Variants in GRM7 observed in about 807,000 individuals in gnomAD.
GRM7 encodes glutamate metabotropic receptor 7, also known as metabotropic glutamate receptor 7.
A neutral mutation model predicts 84.5 loss-of-function variants in GRM7; 35 were observed. That is an observed-to-expected ratio of 0.41 (90% CI 0.32 to 0.55). GRM7 has a LOEUF of 0.55. GRM7 is among the 20% of genes least tolerant of loss of function. The pLI, the probability that GRM7 is intolerant of heterozygous loss-of-function variation, is 0.19. For missense variants in GRM7, 1,003 were observed against 1,194.6 expected (o/e 0.84, Z 2.36); for synonymous variants, 487 against 455.1 (o/e 1.07, Z -0.89).
chr3:7,030,268 C>A (rs572785347), intron 1 of GRM7, among the ~76,000 whole-genome samples: 1 of 152,078 alleles, frequency 6.6e-6, no homozygotes, highest in Non-Finnish European at 1.5e-5. Context: ...GAAAGCAGTT[C>A]GATGGTGGCT....
At chr3:6,890,927 G>GTA (rs1385325579) in intron 1 of GRM7, among the ~76,000 whole-genome samples, 3 of 152,092 alleles carry the variant, frequency 2.0e-5, no homozygotes, top group African/African-American at 7.2e-5. Context: ...TGTATTGGGT[G>GTA]TATATATATT....
At chr3:7,388,486 C>T (rs1472349214) in intron 4 of GRM7, among the ~76,000 whole-genome samples, 3 of 152,114 alleles carry the variant, frequency 2.0e-5, no homozygotes, top group East Asian at 1.9e-4. Context: ...CTCTCCTTCT[C>T]AATTTTTTGG....
In GRM7 at chr3:7,103,848, C is replaced by G. The variant is rs192585527; in HGVS notation, c.520-42604C>G. ...TCTCTCTGTCTCTCTCTCCCTCTCT[C>G]TCTCTCTCTTTCTTTCTTTCTTTCC... On this transcript the variant is annotated intron_variant, in intron 1 of 9. Transcript: ENST00000357716. Among the ~76,000 whole-genome samples the G allele has an allele frequency of 3.2e-4, 42 of 130,172 alleles. 1 individual carries two copies. In the East Asian group the frequency reaches 8.8e-3, roughly 27 times the overall value. 85.4% of individuals were successfully genotyped at this position (130,172 alleles called of 152,430 possible).
chr3:7,072,750 C>A (rs1697929539), intron 1 of GRM7, among the ~76,000 whole-genome samples: 1 of 152,058 alleles, frequency 6.6e-6, no homozygotes, highest in Non-Finnish European at 1.5e-5. Flanking sequence ...TGTGTAATAT[C>A]CCTCAACATT....
intron 8 of GRM7, among the ~76,000 whole-genome samples, chr3:7,632,365 A>G (rs1435721035): frequency 6.6e-6 from 1 of 152,216 alleles, no homozygotes; most frequent in Non-Finnish European, 1.5e-5. Context: ...ATGTTTGCAT[A>G]TGTACTAAGA....
intron 1 of GRM7, among the ~76,000 whole-genome samples, chr3:7,071,936 G>T (rs903772939): frequency 6.6e-6 from 1 of 151,628 alleles, no homozygotes; most frequent in Admixed American, 6.6e-5. Context: ...CTCAGAGAAC[G>T]GTCTACCAAA....
chr3:6,954,444 G>A (rs1045583050), intron 1 of GRM7, among the ~76,000 whole-genome samples: 1 of 152,130 alleles, frequency 6.6e-6, no homozygotes, highest in Non-Finnish European at 1.5e-5. Flanking sequence ...GATTCTTCAA[G>A]AAAATGGGTT....
At chr3:7,061,335 G>A (rs1697428233) in intron 1 of GRM7, among the ~76,000 whole-genome samples, 1 of 151,698 alleles carries the variant, frequency 6.6e-6, no homozygotes, top group South Asian at 2.1e-4. Context: ...CTATGTGCTG[G>A]ATAATGTTAA....
At chr3:7,224,231 AGGGAAGG>A (rs569729348) in intron 2 of GRM7, among the ~76,000 whole-genome samples, 389 of 152,314 alleles carry the variant, frequency 2.6e-3, no homozygotes, top group African/African-American at 8.9e-3. Context: ...TCATGGCGGA[AGGGAAGG>A]GGGAGCGCAT....
chr3:7,434,978 A>C (rs535764105), intron 5 of GRM7, among the ~76,000 whole-genome samples: 2 of 152,308 alleles, frequency 1.3e-5, no homozygotes, highest in South Asian at 4.1e-4. Flanking sequence ...TATTTAACAT[A>C]TACAAGGACA....
chr3:7,127,288 C>T (rs946409523), intron 1 of GRM7, among the ~76,000 whole-genome samples: 1 of 152,216 alleles, frequency 6.6e-6, no homozygotes, highest in African/African-American at 2.4e-5. Flanking sequence ...TGATTTCTAA[C>T]ATCTTCCGCA....
chr3:7,710,833 A>G (rs1407449516), intron 9 of GRM7, among the ~76,000 whole-genome samples: 1 of 152,210 alleles, frequency 6.6e-6, no homozygotes, highest in Non-Finnish European at 1.5e-5. Context: ...ATCATGTGAA[A>G]TAGCATTTAT....
intron 1 of GRM7, among the ~76,000 whole-genome samples, chr3:7,066,762 C>T (rs2124978005): frequency 6.6e-6 from 1 of 152,016 alleles, no homozygotes; most frequent in African/African-American, 2.4e-5. Flanking sequence ...AGCACAGATG[C>T]TAAAATCCTT....
At chr3:7,075,681 A>G (rs1421935253) in intron 1 of GRM7, among the ~76,000 whole-genome samples, 1 of 152,004 alleles carries the variant, frequency 6.6e-6, no homozygotes, top group Non-Finnish European at 1.5e-5. Flanking sequence ...GCCCGCCACC[A>G]TGCCCAGCCA....
At chr3:7,284,821 C>T (rs540153459) in intron 2 of GRM7, among the ~76,000 whole-genome samples, 1 of 151,960 alleles carries the variant, frequency 6.6e-6, no homozygotes, top group Non-Finnish European at 1.5e-5. Flanking sequence ...CTCTATATTA[C>T]AAAAGTATTT....
intron 2 of GRM7, among the ~76,000 whole-genome samples, chr3:7,254,210 C>T (rs561574310): frequency 8.4e-4 from 128 of 152,292 alleles, no homozygotes; most frequent in Middle Eastern, 3.4e-3. Context: ...ACAAAGGCCC[C>T]GTGCTTGGTT....
chr3:6,999,079 AT>A (rs971475549), intron 1 of GRM7, among the ~76,000 whole-genome samples: 13 of 152,018 alleles, frequency 8.6e-5, no homozygotes, highest in African/African-American at 2.2e-4. Context: ...AACTTTCCAA[AT>A]TTTTTTTGCT....
At chr3:7,057,357 T>C (rs1697264894) in intron 1 of GRM7, among the ~76,000 whole-genome samples, 1 of 151,946 alleles carries the variant, frequency 6.6e-6, no homozygotes, top group Non-Finnish European at 1.5e-5. Flanking sequence ...ACTAACCTAT[T>C]CTAAATTAGT....
At chr3:7,682,830 C>T (rs1230729320) in intron 9 of GRM7, among the ~76,000 whole-genome samples, 1 of 152,272 alleles carries the variant, frequency 6.6e-6, no homozygotes, top group East Asian at 1.9e-4. Flanking sequence ...GCATAAGGTA[C>T]TCATTGAAAT....
Sources: gnomAD v4.1 joint callset for allele counts (sites outside exome capture counted in the v4.1 genomes callset) on GRCh38, gnomAD v4.1.1 for gene constraint, MANE v1.5 for transcripts, NCBI Gene and HGNC (gene_info 2026-07-23, HGNC 2026-07-21) for gene names.